Variants in SRBD1 observed in about 807,000 individuals in gnomAD.
SRBD1 encodes the protein S1 RNA-binding domain-containing protein 1.
Under a neutral mutation model 115.3 loss-of-function variants are expected in SRBD1, and 88 were observed. The observed-to-expected ratio is 0.76, with a 90% CI of 0.64 to 0.91. The LOEUF (loss-of-function observed/expected upper bound fraction) is 0.91, where lower values mean the gene tolerates loss of function less well. Among genes scored for constraint, SRBD1 ranks in the 40% least tolerant of loss-of-function variants. SRBD1 has a pLI of 0.00. For missense variants in SRBD1, 1,385 were observed against 1,177.4 expected (o/e 1.18, Z -2.58); for synonymous variants, 509 against 407.7 (o/e 1.25, Z -2.99).
Position 45,607,134 on chromosome 2 carries a change from T to G in SRBD1, c.1-1693A>C, listed in dbSNP as rs559766382. ...TCACTCTCTTTTTGGCATATTAGGT[T>G]ATAAAGATCATCCTTTCTCAAATTA... On this transcript the variant is annotated intron_variant, in intron 1 of 20. Coordinates refer to ENST00000263736, the MANE Select transcript of SRBD1 (RefSeq NM_018079.5). 3.9e-5 allele frequency among the ~76,000 whole-genome samples: 6 copies of G among 152,320 alleles called. No individual in the cohort carries two copies. The South Asian group carries it at 1.2e-3, about 32-fold the overall frequency.
chr2:45,518,004 A>AATG (rs1226672744), intron 14 of SRBD1, among the ~76,000 whole-genome samples: 2 of 152,252 alleles, frequency 1.3e-5, no homozygotes, highest in South Asian at 2.1e-4. Context: ...CTCAAAAAAT[A>AATG]ATGATGATGA....
intron 20 of SRBD1, among the ~76,000 whole-genome samples, chr2:45,390,320 G>T (rs943318377): frequency 2.0e-5 from 3 of 152,178 alleles, no homozygotes; most frequent in African/African-American, 7.2e-5. Context: ...CAATGATGAA[G>T]ATACAGATTT....
Position 45,605,420 on chromosome 2 carries a change from C to T in SRBD1, c.22G>A (p.Ala8Thr), listed in dbSNP as rs773446492. The T allele has an allele frequency of 1.2e-6, 2 of 1,613,706 alleles. No homozygotes were observed. Among genetic ancestry groups the T allele is most frequent in the East Asian group, 4.5e-5 (2 of 44,854 alleles). ...ACCACATCCTGGACCTGTACTTTCG[C>T]TCTTCTTGGCAATGATGACATCTAG... MSSLPRR[A>T]KVQVQDVVLK... is the part of the protein sequence containing the mutation. Residue 8 changes from alanine (A) to threonine (T), a missense_variant, in exon 2 of 21, where the codon GCG (alanine) becomes ACG (threonine). Transcript: ENST00000263736.
At chr2:45,590,952 G>A (rs1229176266) in intron 4 of SRBD1, among the ~76,000 whole-genome samples, 1 of 151,940 alleles carries the variant, frequency 6.6e-6, no homozygotes, top group East Asian at 1.9e-4. Flanking sequence ...GGGAGGCAGA[G>A]GTTGCAGTGA....
intron 15 of SRBD1, among the ~76,000 whole-genome samples, chr2:45,478,060 T>TA (rs57950059): frequency 0.082 from 12,536 of 152,054 alleles, 682 homozygotes; most frequent in African/African-American, 0.15. Flanking sequence ...TTACAACTCT[T>TA]ATGAATAGTT....
chr2:45,475,512 C>A (rs1019270922), intron 16 of SRBD1, among the ~76,000 whole-genome samples: 1 of 152,178 alleles, frequency 6.6e-6, no homozygotes, highest in Non-Finnish European at 1.5e-5. Context: ...GAATCCCAAT[C>A]TGGAGGTTAG....
chr2:45,521,431 T>G (rs1457544254), intron 14 of SRBD1, among the ~76,000 whole-genome samples: 1 of 151,644 alleles, frequency 6.6e-6, no homozygotes, highest in East Asian at 1.9e-4. Context: ...ACTAGGGAAA[T>G]GTAAGTCAAA....
At chr2:45,524,234 C>G (rs13405513) in intron 14 of SRBD1, among the ~76,000 whole-genome samples, 1 of 151,802 alleles carries the variant, frequency 6.6e-6, no homozygotes, top group Non-Finnish European at 1.5e-5. Flanking sequence ...TCCCCTAAAA[C>G]AGGAACAAGA....
chr2:45,507,848 T>C (rs1670842788), intron 14 of SRBD1, among the ~76,000 whole-genome samples: 2 of 152,164 alleles, frequency 1.3e-5, no homozygotes, highest in African/African-American at 4.8e-5. Context: ...TCAAACTTAA[T>C]TGTTGGGCCT....
intron 16 of SRBD1, among the ~76,000 whole-genome samples, chr2:45,453,896 G>C (rs987797913): frequency 6.6e-6 from 1 of 151,906 alleles, no homozygotes; most frequent in African/African-American, 2.4e-5. Flanking sequence ...AGCAACTTTA[G>C]TAGGACAAAT....
At chr2:45,605,009 G>A (rs1458827323) in intron 2 of SRBD1, among the ~76,000 whole-genome samples, 1 of 152,152 alleles carries the variant, frequency 6.6e-6, no homozygotes, top group African/African-American at 2.4e-5. Context: ...CAAGAAAAAA[G>A]ATAGCCCCCA....
chr2:45,594,042 A>G (rs1412443353), intron 4 of SRBD1, among the ~76,000 whole-genome samples: 5 of 152,250 alleles, frequency 3.3e-5, no homozygotes, highest in East Asian at 1.9e-4. Context: ...TAAAAAGACC[A>G]TAATAAACAC....
At chr2:45,506,497 CT>C (rs971558245) in intron 14 of SRBD1, among the ~76,000 whole-genome samples, 1 of 152,078 alleles carries the variant, frequency 6.6e-6, no homozygotes, top group Non-Finnish European at 1.5e-5. Context: ...TTTCCTCCAG[CT>C]TTTTTACTCC....
intron 2 of SRBD1, among the ~76,000 whole-genome samples, chr2:45,604,398 A>AGGGGGGGGGGGGGGGGGGGGGG (rs1179478169): frequency 7.1e-6 from 1 of 140,200 alleles, no homozygotes; most frequent in Admixed American, 7.0e-5. Flanking sequence ...GGGTGGAGGA[A>AGGGGGGGGGGGGGGGGGGGGGG]GGGGAGGGCT....
chr2:45,394,210 T>C (rs958108237), intron 19 of SRBD1, among the ~76,000 whole-genome samples: 7 of 152,204 alleles, frequency 4.6e-5, no homozygotes, highest in African/African-American at 1.7e-4. Flanking sequence ...TTTTACTATG[T>C]TTACCATTAC....
At chr2:45,414,510 C>T (rs953670484) in intron 18 of SRBD1, among the ~76,000 whole-genome samples, 4 of 149,530 alleles carry the variant, frequency 2.7e-5, no homozygotes, top group African/African-American at 7.4e-5. Flanking sequence ...TGTGTGTGTA[C>T]ACACATAGTG....
chr2:45,590,792 G>A (rs929765269), intron 4 of SRBD1, among the ~76,000 whole-genome samples: 8 of 152,260 alleles, frequency 5.3e-5, no homozygotes, highest in East Asian at 1.9e-4. Context: ...CGAGGCGTGC[G>A]GATAACCTGA....
At chr2:45,427,099 C>G (rs924604493) in intron 16 of SRBD1, among the ~76,000 whole-genome samples, 1 of 152,058 alleles carries the variant, frequency 6.6e-6, no homozygotes. Flanking sequence ...AACTAAGAAC[C>G]CTGAAAAAAG....
At position 45,485,800 on chromosome 2, in the gene SRBD1, C is replaced by A. The variant is rs1013448236; in HGVS notation, c.1966+2440G>T. Among the ~76,000 whole-genome samples, 5 of 152,252 alleles carry A rather than the reference C, an allele frequency of 3.3e-5. No individual in the cohort carries two copies. In the East Asian group the frequency reaches 9.6e-4, roughly 29 times the overall value. ...AGATCTCACATAACGTAAAAAGTCACCCCTGGCATCAATCACCAGGAAAAA... is the reference window on the plus strand; with the variant it reads ...AGATCTCACATAACGTAAAAAGTCAACCCTGGCATCAATCACCAGGAAAAA... On this transcript the variant is annotated intron_variant, in intron 15 of 20. Transcript: ENST00000263736.
Sources: gnomAD v4.1 joint callset for allele counts (sites outside exome capture counted in the v4.1 genomes callset) on GRCh38, gnomAD v4.1.1 for gene constraint, MANE v1.5 for transcripts, NCBI Gene and HGNC (gene_info 2026-07-23, HGNC 2026-07-21) for gene names.